Variants in ALG14 observed in about 807,000 individuals in gnomAD.
The protein encoded by ALG14 is ALG14 UDP-N-acetylglucosaminyltransferase subunit, also known as UDP-N-acetylglucosamine transferase subunit ALG14.
ALG14 carries 17 observed loss-of-function variants against 22.8 expected under a neutral mutation model. The ratio of observed to expected loss-of-function variants is 0.75; its 90% CI spans 0.51 to 1.12. The LOEUF (loss-of-function observed/expected upper bound fraction) is 1.12. Ranked by LOEUF, ALG14 falls within the 50% of genes most tolerant of loss-of-function variation. ALG14 has a pLI of 0.00. For synonymous variants in ALG14, 89 were observed against 103.7 expected (o/e 0.86, Z 0.86); for missense variants, 288 against 271.8 (o/e 1.06, Z -0.42).
intron 3 of ALG14, among the ~76,000 whole-genome samples, chr1:94,994,078 A>T (rs1672848693): frequency 6.6e-6 from 1 of 152,188 alleles, no homozygotes; most frequent in Admixed American, 6.5e-5. Flanking sequence ...TTTTGGTTGG[A>T]ATGGTCAGGC....
intron 3 of ALG14, among the ~76,000 whole-genome samples, chr1:95,024,140 C>A (rs1029611220): frequency 3.9e-5 from 6 of 152,114 alleles, no homozygotes; most frequent in African/African-American, 1.4e-4. Context: ...TTCGATCCGG[C>A]TAATTTTTTT....
rs1672410727 is a variant in ALG14, at chr1:94,977,064, G to C, written c.*6012C>G. 6 of 152,216 alleles carry C rather than the reference G, an allele frequency of 3.9e-5. No individual in the cohort carries two copies. Among genetic ancestry groups the C allele is most frequent in the Admixed American group, 3.9e-4 (6 of 15,280 alleles). The allele number at this position is 152,216 out of a possible 1,614,324, so 9.4% of individuals were successfully genotyped here. A position where few individuals can be genotyped will look rare whatever the true frequency, so the allele number is the denominator to read the frequency against. The stretch of plus-strand genomic sequence containing the variant: ...CTTGATTTCAGCCTTTTGAGATCTT[G>C]AGCAGAAAACCTTCTTTGCCTGGAT... On this transcript the variant is annotated 3_prime_UTR_variant, in exon 4 of 4. Transcript: ENST00000370205.
chr1:95,065,658 T>C (rs2100842826), intron 1 of ALG14, among the ~76,000 whole-genome samples: 2 of 152,220 alleles, frequency 1.3e-5, no homozygotes, highest in East Asian at 3.9e-4. Flanking sequence ...AGAAGTAAGG[T>C]GAAGGGGGCA....
chr1:95,031,544 G>A (rs1674001333), intron 2 of ALG14, among the ~76,000 whole-genome samples: 1 of 152,094 alleles, frequency 6.6e-6, no homozygotes, highest in Non-Finnish European at 1.5e-5. Flanking sequence ...CTACTAAAAA[G>A]ACTGCTCTAT....
chr1:95,028,645 C>T (rs998807710), intron 2 of ALG14, among the ~76,000 whole-genome samples: 5 of 150,814 alleles, frequency 3.3e-5, no homozygotes, highest in East Asian at 1.9e-4. Context: ...TGGTGAAACC[C>T]CATTCTCTAC....
chr1:95,009,574 A>C (rs1673310364), intron 3 of ALG14, among the ~76,000 whole-genome samples: 1 of 152,174 alleles, frequency 6.6e-6, no homozygotes, highest in Admixed American at 6.5e-5. Flanking sequence ...AGAAAGAATA[A>C]ATCCCATTAT....
At chr1:95,046,110 C>T (rs1218693851) in intron 2 of ALG14, among the ~76,000 whole-genome samples, 1 of 151,760 alleles carries the variant, frequency 6.6e-6, no homozygotes, top group Non-Finnish European at 1.5e-5. Flanking sequence ...GGCATAGTGG[C>T]CACAACAAAA....
In ALG14 at chr1:94,983,037, T is replaced by A. The variant is rs765319440; in HGVS notation, c.*39A>T. The A allele has an allele frequency of 1.1e-5, 18 of 1,582,498 alleles. No homozygotes were observed. Among genetic ancestry groups the A allele is most frequent in the Non-Finnish European group, 1.6e-5 (18 of 1,151,810 alleles). ...TCCCCCCAATTTGAGTACATACTAC[T>A]GTTAACTGCAAAATTCTAAAGAAGT... On this transcript the variant is annotated 3_prime_UTR_variant, in exon 4 of 4. Transcript: ENST00000370205.
Position 94,980,548 on chromosome 1 carries a change from T to A in ALG14, c.*2528A>T, listed in dbSNP as rs1448617617. The A allele has an allele frequency of 6.6e-6, 1 of 152,236 alleles. No homozygotes were observed. The highest frequency in any genetic ancestry group is 2.4e-5 in the African/African-American group (1 of 41,472). 9.4% of individuals were successfully genotyped at this position (152,236 alleles called of 1,614,324 possible). A position where few individuals can be genotyped will look rare whatever the true frequency, so the allele number is the denominator to read the frequency against. Reference sequence around the variant, plus strand: ...GGAAGGGACAAGCTAGCTACTCATCTTCTTCAGTTTGAGTTGGGACTGGCG... The same window carrying A: ...GGAAGGGACAAGCTAGCTACTCATCATCTTCAGTTTGAGTTGGGACTGGCG... On this transcript the variant is annotated 3_prime_UTR_variant, in exon 4 of 4. Transcript: ENST00000370205.
At position 95,072,930 on chromosome 1, in the gene ALG14, G is replaced by A. The variant is rs373118614; in HGVS notation, c.-32C>T. On this transcript the variant is annotated 5_prime_UTR_variant, in exon 1 of 4. Coordinates refer to ENST00000370205, the MANE Select transcript of ALG14 (RefSeq NM_144988.4). ...AAACGGCGCATGCGTCCAACTTCCG[G>A]GGACCAGCCGCTGTCAAAGTTCACA... is the stretch of plus-strand genomic sequence containing the variant. The A allele has an allele frequency of 1.6e-5, 26 of 1,611,916 alleles. No homozygotes were observed. In the South Asian group the frequency reaches 1.9e-4, roughly 12 times the overall value.
intron 3 of ALG14, among the ~76,000 whole-genome samples, chr1:94,984,596 T>C (rs113045247): frequency 5.5e-4 from 84 of 152,372 alleles, no homozygotes; most frequent in African/African-American, 1.9e-3. Flanking sequence ...CCTTTCTGTC[T>C]TTTATGGAGA....
rs573373824 is a variant in ALG14 at position 94,980,864 on chromosome 1, C to G, written c.*2212G>C. 5 of 152,306 alleles carry G rather than the reference C, an allele frequency of 3.3e-5. No homozygotes were observed. In the South Asian group the frequency reaches 1.0e-3, roughly 32 times the overall value. 9.4% of individuals were successfully genotyped at this position (152,306 alleles called of 1,614,324 possible). A position where few individuals can be genotyped will look rare whatever the true frequency, so the allele number is the denominator to read the frequency against. ...TCTGACATTCCAGGCTAACCACTGT[C>G]TTAAGTTAAGGCTCTGCAAAACATC... On this transcript the variant is annotated 3_prime_UTR_variant, in exon 4 of 4. Transcript: ENST00000370205.
chr1:95,025,436 A>C (rs1673783999), intron 3 of ALG14, among the ~76,000 whole-genome samples: 1 of 152,204 alleles, frequency 6.6e-6, no homozygotes, highest in African/African-American at 2.4e-5. Flanking sequence ...AGAATGGTAA[A>C]TGAGCACTGG....
chr1:95,071,739 G>C (rs1201486161), intron 1 of ALG14, among the ~76,000 whole-genome samples: 1 of 152,086 alleles, frequency 6.6e-6, no homozygotes, highest in East Asian at 1.9e-4. Flanking sequence ...TCAAGTTTCA[G>C]TTTAGCATCA....
At chr1:95,051,391 C>A (rs1054347553) in intron 2 of ALG14, among the ~76,000 whole-genome samples, 1 of 152,180 alleles carries the variant, frequency 6.6e-6, no homozygotes, top group African/African-American at 2.4e-5. Flanking sequence ...TCTCCCGCAT[C>A]CACTCCCAGT....
At chr1:95,067,498 T>C (rs1675414058) in intron 1 of ALG14, 1 of 152,256 alleles carries the variant, frequency 6.6e-6, no homozygotes, top group Non-Finnish European at 1.5e-5. Flanking sequence ...CTTGACAGTA[T>C]ATTCACTGAA....
At position 94,975,998 on chromosome 1, in the gene ALG14, C is replaced by G. The variant is rs922077479; in HGVS notation, c.*7078G>C. 8.7e-6 allele frequency: 1 copy of G among 115,566 alleles called. No individual in the cohort carries two copies. Among genetic ancestry groups the G allele is most frequent in the Non-Finnish European group, 1.6e-5 (1 of 61,760 alleles). 7.2% of individuals were successfully genotyped at this position (115,566 alleles called of 1,614,324 possible). On this transcript the variant is annotated 3_prime_UTR_variant, in exon 4 of 4. Transcript: ENST00000370205. ...CGCCACTGCACTTCAGCCTGGGCAA[C>G]AGAGCGAGACTCTGTCTCAAAAAAA...
intron 2 of ALG14, among the ~76,000 whole-genome samples, chr1:95,042,329 T>C (rs201445329): frequency 8.3e-5 from 12 of 143,938 alleles, no homozygotes; most frequent in Non-Finnish European, 1.2e-4. Flanking sequence ...CACACACACA[T>C]ACACACAGTT....
At position 94,975,997 on chromosome 1, in the gene ALG14, A is replaced by G. The variant is rs1672390223; in HGVS notation, c.*7079T>C. The G allele has an allele frequency of 6.8e-6, 1 of 146,862 alleles. No homozygotes were observed. Among genetic ancestry groups the G allele is most frequent in the African/African-American group, 2.6e-5 (1 of 38,886 alleles). 9.1% of individuals were successfully genotyped at this position (146,862 alleles called of 1,614,324 possible). A position where few individuals can be genotyped will look rare whatever the true frequency, so the allele number is the denominator to read the frequency against. ...GCGCCACTGCACTTCAGCCTGGGCA[A>G]CAGAGCGAGACTCTGTCTCAAAAAA... On this transcript the variant is annotated 3_prime_UTR_variant, in exon 4 of 4. Coordinates refer to ENST00000370205, the MANE Select transcript of ALG14 (RefSeq NM_144988.4).
Sources: allele counts gnomAD v4.1 joint callset (sites outside exome capture counted in the v4.1 genomes callset), GRCh38; gene constraint gnomAD v4.1.1; transcripts MANE v1.5; gene names NCBI Gene and HGNC (gene_info 2026-07-23, HGNC 2026-07-21).